The following CACNB3 variants were observed in gnomAD, a reference collection of about 807,000 sequenced individuals.
The protein encoded by CACNB3 is voltage-dependent L-type calcium channel subunit beta-3.
Under a neutral mutation model 63.7 loss-of-function variants are expected in CACNB3, and 36 were observed. The ratio of observed to expected loss-of-function variants is 0.57; its 90% CI spans 0.43 to 0.75. The LOEUF is 0.75. Ranked by LOEUF, CACNB3 falls within the 30% of genes least tolerant of loss-of-function variation. The pLI, the probability that CACNB3 is intolerant of heterozygous loss-of-function variation, is 0.00. For missense variants in CACNB3, 493 were observed against 648.6 expected, an observed-to-expected ratio of 0.76 and a Z score of 2.61; for synonymous variants, 241 against 250.6, an observed-to-expected ratio of 0.96 and a Z score of 0.36.
At chr12:48,817,705 C>G (rs1178651684), upstream of CACNB3, among the ~76,000 whole-genome samples, 1 of 152,196 alleles carries the variant, frequency 6.6e-6, no homozygotes, top group Non-Finnish European at 1.5e-5. Context: ...AGGGGAGAAT[C>G]TGGCCTTACC....
At chr12:48,815,432 G>A (rs1174886105), upstream of CACNB3, 1 of 758,210 alleles carries the variant, frequency 1.3e-6, no homozygotes, top group Non-Finnish European at 2.0e-6. Flanking sequence ...GAAGTGGAGA[G>A]AGGCTGGGCT....
Position 48,826,296 on chromosome 12 carries a change from G to A in CACNB3, c.743-71G>A. On this transcript the variant is annotated intron_variant, in intron 9 of 12. Transcript: ENST00000301050. The surrounding 1 kb of genome is among the most constrained non-coding windows in gnomAD (Gnocchi z 4.8). ...ATTCCTTCCTGTCCACCATTCGGGA[G>A]CCCTCAAAGCCTGCTGGAGTGAGCA... 2.7e-6 allele frequency: 4 copies of A among 1,501,132 alleles called. No individual in the cohort carries two copies. The highest frequency in any genetic ancestry group is 9.2e-7 in the Non-Finnish European group (1 of 1,081,678). 93.0% of individuals were successfully genotyped at this position (1,501,132 alleles called of 1,614,324 possible). A position where few individuals can be genotyped will look rare whatever the true frequency, so the allele number is the denominator to read the frequency against.
intron 3 of CACNB3, chr12:48,824,023 A>T: frequency 1.5e-6 from 1 of 680,478 alleles, no homozygotes; most frequent in South Asian, 1.9e-5. Flanking sequence ...CTGTCAAGTG[A>T]GCAGTTAGAT....
rs564182935 is a variant in CACNB3, at chr12:48,827,408, G to C, written c.1141-177G>C. 7.9e-5 allele frequency among the ~76,000 whole-genome samples: 12 copies of C among 152,348 alleles called. No homozygotes were observed. In the South Asian group the frequency reaches 2.1e-3, roughly 26 times the overall value. On this transcript the variant is annotated intron_variant, in intron 12 of 12. Transcript: ENST00000301050. ...CTTGAAGGCAGAGCCTGAATTTTGC[G>C]GGAGTCGAAGCTCCAGTTTTCTCTC...
chr12:48,827,092 T>C lies in CACNB3; in HGVS notation c.1109T>C (p.Leu370Pro). Residue 370 changes from leucine (L) to proline (P), a missense_variant, in exon 12 of 13, where the codon CTG (leucine) becomes CCG (proline). Physicochemically the swap from Leu to Pro is moderately conservative, Grantham distance 98. Coordinates refer to ENST00000301050, the MANE Select transcript of CACNB3 (RefSeq NM_000725.4). ...THHPAPGPGL[L>P]GPPSAIPGLQ... ...CACCCAGCCCCTGGCCCCGGACTTC[T>C]GGGTCCTCCCAGTGCCATCCCCGGA... 1 of 1,613,020 alleles carries C rather than the reference T, an allele frequency of 6.2e-7. No individual in the cohort carries two copies. Among genetic ancestry groups the C allele is most frequent in the Non-Finnish European group, 8.5e-7 (1 of 1,180,026 alleles).
chr12:48,828,061 G>A lies in CACNB3; in HGVS notation c.*162G>A. On this transcript the variant is annotated 3_prime_UTR_variant, in exon 13 of 13. Transcript: ENST00000301050. ...GGGCTGCCTGTGGTCCCAAGGTTCTGGGAGAAACAGGGGACCCCCTCACCT... is the reference window on the plus strand; with the variant it reads ...GGGCTGCCTGTGGTCCCAAGGTTCTAGGAGAAACAGGGGACCCCCTCACCT... The A allele has an allele frequency of 3.1e-6, 2 of 643,918 alleles. No homozygotes were observed. Among genetic ancestry groups the A allele is most frequent in the East Asian group, 2.7e-5 (1 of 36,594 alleles). 39.9% of individuals were successfully genotyped at this position (643,918 alleles called of 1,614,324 possible). A position where few individuals can be genotyped will look rare whatever the true frequency, so the allele number is the denominator to read the frequency against.
Position 48,824,273 on chromosome 12 carries a change from T to C in CACNB3, c.307T>C (p.Trp103Arg). Reference sequence around the variant, plus strand: ...CTGCCCCCAGAAGTACAGCAATGACTGGTGGATCGGGCGGCTAGTGAAAGA... The same window carrying C: ...CTGCCCCCAGAAGTACAGCAATGACCGGTGGATCGGGCGGCTAGTGAAAGA... ...LHIKEKYSND[W>R]WIGRLVKEGG... is the part of the protein sequence containing the mutation. Residue 103 changes from tryptophan to arginine, a missense_variant, in exon 4 of 13, where the codon TGG becomes CGG. Transcript: ENST00000301050. 6.2e-7 allele frequency: 1 copy of C among 1,613,028 alleles called. No individual in the cohort carries two copies. The highest frequency in any genetic ancestry group is 8.5e-7 in the Non-Finnish European group (1 of 1,179,652).
In CACNB3 at chr12:48,826,640, C is replaced by G; in HGVS notation, c.895-119C>G. 1 of 1,426,804 alleles carries G rather than the reference C, an allele frequency of 7.0e-7. No homozygotes were observed. The highest frequency in any genetic ancestry group is 1.2e-5 in the South Asian group (1 of 84,642). 88.4% of individuals were successfully genotyped at this position (1,426,804 alleles called of 1,614,324 possible). A position where few individuals can be genotyped will look rare whatever the true frequency, so the allele number is the denominator to read the frequency against. On this transcript the variant is annotated intron_variant, in intron 10 of 12. Transcript: ENST00000301050. The surrounding 1 kb of genome is among the most constrained non-coding windows in gnomAD (Gnocchi z 4.8). ...TTTTCCTGCTGCCCTTAACACAACT[C>G]TGAGTCATCCTCACCTGCTACTGAT...
chr12:48,823,702 G>A lies in CACNB3; in HGVS notation c.190G>A (p.Val64Met). The change falls in exon 3 of 13, where the codon GTG (valine) becomes ATG (methionine). Residue 64 changes from valine to methionine, a missense_variant. Transcript: ENST00000301050. The surrounding 1 kb of genome is among the most constrained non-coding windows in gnomAD (Gnocchi z 4.2). ...CCAGCACAAACCTGTGGCATTTGCGGTGAGGACCAATGTCAGCTACTGTGG... is the reference window on the plus strand; with the variant it reads ...CCAGCACAAACCTGTGGCATTTGCGATGAGGACCAATGTCAGCTACTGTGG... ...RAKHKPVAFAVRTNVSYCGVL... is the reference protein window; with the variant it reads ...RAKHKPVAFAMRTNVSYCGVL... The A allele has an allele frequency of 1.2e-6, 2 of 1,614,170 alleles. No individual in the cohort carries two copies. The highest frequency in any genetic ancestry group is 1.7e-6 in the Non-Finnish European group (2 of 1,180,016).
Position 48,818,965 on chromosome 12 carries a change from C to G in CACNB3, c.36C>G (p.Asp12Glu). The G allele has an allele frequency of 1.2e-6, 2 of 1,605,846 alleles. No individual in the cohort carries two copies. The highest frequency in any genetic ancestry group is 1.1e-5 in the South Asian group (1 of 89,204). ...YDDSYVPGFE[D>E]SEAGSADSYT... is the part of the protein sequence containing the mutation. ...ACTCCTACGTGCCCGGGTTTGAGGA[C>G]TCGGAGGCGGTGAGTGCCCACGATG... is the stretch of plus-strand genomic sequence containing the variant. Residue 12 changes from aspartate to glutamate, a missense_variant, in exon 1 of 13, where the codon GAC becomes GAG. Asp to Glu is a conservative substitution (Grantham distance 45, BLOSUM62 2). Transcript: ENST00000301050. This position sits in a 1 kb window ranked among gnomAD's most constrained non-coding sequence, Gnocchi z 4.3.
upstream of CACNB3, chr12:48,816,928 G>T (rs1177455831): frequency 1.0e-6 from 1 of 985,476 alleles, no homozygotes; most frequent in Non-Finnish European, 1.2e-6. Flanking sequence ...CACCTCTCCA[G>T]GCCCCTGAAA....
chr12:48,825,333 C>G lies in CACNB3; in HGVS notation c.573+90C>G. 6.4e-7 allele frequency: 1 copy of G among 1,564,730 alleles called. No homozygotes were observed. The highest frequency in any genetic ancestry group is 1.1e-5 in the South Asian group (1 of 89,766). On this transcript the variant is annotated intron_variant, in intron 7 of 12. Transcript: ENST00000301050. The surrounding 1 kb of genome is among the most constrained non-coding windows in gnomAD (Gnocchi z 4.5). ...GAAAGTGGAAGGGGTGTGTCTCCTCCGTCCAGGGTGTGTATGTGGAGCGCA... is the reference window on the plus strand; with the variant it reads ...GAAAGTGGAAGGGGTGTGTCTCCTCGGTCCAGGGTGTGTATGTGGAGCGCA...
Position 48,826,728 on chromosome 12 carries a change from CT to C in CACNB3, c.895-30del. ...CAGCTCTGCCCAGAGTCCTGAGAGA[CT>C]CCAGGCCTAGCTCTGCCCTCCCCGC... On this transcript the variant is annotated intron_variant, in intron 10 of 12. Transcript: ENST00000301050. The surrounding 1 kb of genome is among the most constrained non-coding windows in gnomAD (Gnocchi z 4.8). The C allele has an allele frequency of 6.3e-7, 1 of 1,579,712 alleles. No homozygotes were observed. The highest frequency in any genetic ancestry group is 8.7e-7 in the Non-Finnish European group (1 of 1,148,798).
At chr12:48,814,817 C>A (rs1218850044), upstream of CACNB3, 1 of 381,704 alleles carries the variant, frequency 2.6e-6, no homozygotes, top group African/African-American at 2.1e-5. This position sits in a 1 kb window ranked among gnomAD's most constrained non-coding sequence, Gnocchi z 6.9. Context: ...CCAGGCGGTG[C>A]CGCCACCTGG....
In CACNB3 at chr12:48,825,685, G is replaced by C; in HGVS notation, c.658G>C (p.Asp220His). ...GRISITRVTADLSLAKRSVLN... is the reference protein window; with the variant it reads ...GRISITRVTAHLSLAKRSVLN... ...GATCTCCATCACCCGAGTCACAGCC[G>C]ACCTCTCCCTGGCAAAGCGATCTGT... Residue 220 changes from aspartate (D) to histidine (H), a missense_variant, in exon 9 of 13, where the codon GAC becomes CAC. Transcript: ENST00000301050. This position sits in a 1 kb window ranked among gnomAD's most constrained non-coding sequence, Gnocchi z 4.5. 6.2e-7 allele frequency: 1 copy of C among 1,614,094 alleles called. No individual in the cohort carries two copies. Among genetic ancestry groups the C allele is most frequent in the Non-Finnish European group, 8.5e-7 (1 of 1,180,000 alleles).
In CACNB3 at chr12:48,818,709, C is replaced by A. The variant is rs1443457153; in HGVS notation, c.-221C>A. 45 of 387,734 alleles carry A rather than the reference C, an allele frequency of 1.2e-4. No individual in the cohort carries two copies. The highest frequency in any genetic ancestry group is 7.7e-4 in the African/African-American group (15 of 19,370). The allele number at this position is 387,734 out of a possible 1,614,324, so 24.0% of individuals were successfully genotyped here. A position where few individuals can be genotyped will look rare whatever the true frequency, so the allele number is the denominator to read the frequency against. Reference sequence around the variant, plus strand: ...TCCTCAGCCGCGCTCGGGGTGGGACCGGCTGGGTTTGGGGGGGTGGGGTGG... The same window carrying A: ...TCCTCAGCCGCGCTCGGGGTGGGACAGGCTGGGTTTGGGGGGGTGGGGTGG... On this transcript the variant is annotated 5_prime_UTR_variant, in exon 1 of 13. Coordinates refer to ENST00000301050, the MANE Select transcript of CACNB3 (RefSeq NM_000725.4). This position sits in a 1 kb window ranked among gnomAD's most constrained non-coding sequence, Gnocchi z 4.3.
upstream of CACNB3, among the ~76,000 whole-genome samples, chr12:48,817,554 G>A (rs1942314585): frequency 6.6e-6 from 1 of 152,112 alleles, no homozygotes; most frequent in South Asian, 2.1e-4. Context: ...TTGCTCAGGA[G>A]ATGAAAAAAG....
chr12:48,824,851 G>A (rs1337307799), intron 5 of CACNB3, 98 bp from the exon 6 acceptor site: 8 of 1,531,060 alleles, frequency 5.2e-6, no homozygotes, highest in Non-Finnish European at 7.2e-6. Flanking sequence ...GGAAGGGGTG[G>A]GGAGAAGCCA....
At chr12:48,815,816 G>C (rs1033790592), upstream of CACNB3, 2 of 893,264 alleles carry the variant, frequency 2.2e-6, no homozygotes, top group African/African-American at 3.3e-5. Flanking sequence ...AAGGGGGCAC[G>C]CGTTTGGGGG....
Sources: gnomAD v4.1 joint callset for allele counts (sites outside exome capture counted in the v4.1 genomes callset) on GRCh38, gnomAD v4.1.1 for gene constraint, Gnocchi (gnomAD v3.1) non-coding constraint, MANE v1.5 for transcripts, NCBI Gene and HGNC (gene_info 2026-07-23, HGNC 2026-07-21) for gene names.